SKIL: variants seen among roughly 807,000 people sequenced by gnomAD.
SKIL encodes the protein SKI like proto-oncogene, also known as ski-like protein.
Under a neutral mutation model 69.6 loss-of-function variants are expected in SKIL, and 20 were observed. That is an observed-to-expected ratio of 0.29 (90% confidence interval 0.20 to 0.42). The LOEUF (loss-of-function observed/expected upper bound fraction) is 0.42, where lower values mean the gene tolerates loss of function less well. Ranked by LOEUF, SKIL falls within the 10% of genes least tolerant of loss-of-function variation. The pLI is 1.00. For missense variants in SKIL, 745 were observed against 783.1 expected, an observed-to-expected ratio of 0.95 and a Z score of 0.58; for synonymous variants, 310 against 279.9, an observed-to-expected ratio of 1.11 and a Z score of -1.08.
intron 3 of SKIL, among the ~76,000 whole-genome samples, chr3:170,381,757 G>A (rs990837327): frequency 1.3e-5 from 2 of 151,886 alleles, no homozygotes; most frequent in South Asian, 2.1e-4. Context: ...TTATTTTCAG[G>A]CTTTCTTGTT....
At chr3:170,390,606 C>G in intron 5 of SKIL, 142 bp downstream of exon 5, 1 of 666,048 alleles carries the variant, frequency 1.5e-6, no homozygotes, top group South Asian at 2.0e-5. Flanking sequence ...TCTGCCTTAG[C>G]CTTCCGAGTA....
chr3:170,361,081 C>G lies in SKIL; in HGVS notation c.750C>G (p.Ser250Arg). The change falls in exon 2 of 7, where the codon AGC becomes AGG. Residue 250 changes from serine to arginine, a missense_variant. Physicochemically the swap from Ser to Arg is moderately radical, Grantham distance 110. Transcript: ENST00000259119. ...ATGGTAGCGTACTTCCTGCTAAAAG[C>G]TCATTGGCCCAGTTAAAGGAAACTG... is the stretch of plus-strand genomic sequence containing the variant. ...PQNGSVLPAK[S>R]SLAQLKETGS... is the part of the protein sequence containing the mutation. The G allele has an allele frequency of 6.2e-7, 1 of 1,614,216 alleles. No individual in the cohort carries two copies. The highest frequency in any genetic ancestry group is 8.5e-7 in the Non-Finnish European group (1 of 1,180,048).
At chr3:170,373,680 A>G (rs947673622) in intron 2 of SKIL, among the ~76,000 whole-genome samples, 6 of 152,202 alleles carry the variant, frequency 3.9e-5, no homozygotes, top group Non-Finnish European at 8.8e-5. Context: ...GTATTTGAAA[A>G]TAAGTTCCAG....
Position 170,361,416 on chromosome 3 carries a change from G to T in SKIL, c.1085G>T (p.Arg362Ile), listed in dbSNP as rs781469948. ...KEKFSMRSGK[R>I]NQSKTDAPSG... is the part of the protein sequence containing the mutation. Reference sequence around the variant, plus strand: ...AAGTTTAGCATGAGAAGTGGAAAGAGAAATCAATCCAAGGCAAGTTTTTTA... The same window carrying T: ...AAGTTTAGCATGAGAAGTGGAAAGATAAATCAATCCAAGGCAAGTTTTTTA... Residue 362 changes from arginine (R) to isoleucine (I), a missense_variant, in exon 2 of 7, where the codon AGA (arginine) becomes ATA (isoleucine). Physicochemically the swap from Arg to Ile is moderately conservative, Grantham distance 97. Coordinates refer to ENST00000259119, the MANE Select transcript of SKIL (RefSeq NM_005414.5). The T allele has an allele frequency of 1.9e-6, 3 of 1,573,162 alleles. No individual in the cohort carries two copies. The highest frequency in any genetic ancestry group is 1.2e-5 in the South Asian group (1 of 84,028).
chr3:170,379,219 C>T (rs1213219315), intron 2 of SKIL, among the ~76,000 whole-genome samples: 1 of 152,090 alleles, frequency 6.6e-6, no homozygotes, highest in Non-Finnish European at 1.5e-5. Flanking sequence ...CTCAGGTGAT[C>T]CACCCTTCTC....
Position 170,381,306 on chromosome 3 carries a change from C to T in SKIL, c.1161C>T (p.Asp387=). 1.3e-6 allele frequency: 2 copies of T among 1,593,826 alleles called. No individual in the cohort carries two copies. The highest frequency in any genetic ancestry group is 1.7e-6 in the Non-Finnish European group (2 of 1,161,512). The change falls in exon 3 of 7, where the codon GAC becomes GAT. Residue 387 remains aspartate, a synonymous_variant. Transcript: ENST00000259119. ...SWYPVIKQEG[D]HVSQTHSFLH... ...ATCCTGTTATAAAGCAGGAAGGTGA[C>T]CATGTTTCTCAGACACATTCATTTT... is the stretch of plus-strand genomic sequence containing the variant.
rs754840486 is a variant in SKIL, at chr3:170,390,407, T to C, written c.1614T>C (p.Tyr538=). Residue 538 remains tyrosine (Y), a synonymous_variant, in exon 5 of 7, where the codon TAT becomes TAC. Coordinates refer to ENST00000259119, the MANE Select transcript of SKIL (RefSeq NM_005414.5). The part of the protein sequence containing the change: ...GKIMEEVMRT[Y]LKQQEKLNLI... Reference sequence around the variant, plus strand: ...TCATGGAAGAAGTAATGAGAACTTATTTAAAACAACAGGAAAAACTAAACT... The same window carrying C: ...TCATGGAAGAAGTAATGAGAACTTACTTAAAACAACAGGAAAAACTAAACT... 43 of 1,613,084 alleles carry C rather than the reference T, an allele frequency of 2.7e-5. No homozygotes were observed. In the East Asian group the frequency reaches 6.0e-4, roughly 23 times the overall value.
At chr3:170,384,427 G>T (rs199566988) in intron 3 of SKIL, 106 bp from the exon 4 acceptor site, 3 of 572,716 alleles carry the variant, frequency 5.2e-6, no homozygotes, top group South Asian at 2.6e-5. Flanking sequence ...TGTCTGTTTT[G>T]GTTAGAAAAA....
chr3:170,389,013 G>C (rs1043592696), intron 4 of SKIL, among the ~76,000 whole-genome samples: 2 of 151,930 alleles, frequency 1.3e-5, no homozygotes, highest in Non-Finnish European at 2.9e-5. Context: ...GGGATTACAG[G>C]TGCGCGCCAC....
intron 3 of SKIL, among the ~76,000 whole-genome samples, chr3:170,383,025 C>G (rs1737443158): frequency 6.6e-6 from 1 of 152,106 alleles, no homozygotes; most frequent in Admixed American, 6.6e-5. Flanking sequence ...CGGCCTGCAA[C>G]TTTGATATTT....
intron 2 of SKIL, among the ~76,000 whole-genome samples, chr3:170,380,844 G>A (rs1737306872): frequency 6.6e-6 from 1 of 151,854 alleles, no homozygotes; most frequent in Non-Finnish European, 1.5e-5. Context: ...CTTGAGACAG[G>A]GTCTCACTCT....
intron 1 of SKIL, chr3:170,358,514 G>A (rs187290985): frequency 2.2e-3 from 336 of 152,826 alleles, no homozygotes; most frequent in Middle Eastern, 0.017. Context: ...GGTTTTAGGG[G>A]CTCCCCCATT....
chr3:170,386,788 A>G (rs1560219916), intron 4 of SKIL, among the ~76,000 whole-genome samples: 1 of 151,842 alleles, frequency 6.6e-6, no homozygotes, highest in Non-Finnish European at 1.5e-5. Flanking sequence ...GATTTTTAAA[A>G]CTCAGTTTTC....
chr3:170,389,730 A>G (rs932796680), intron 4 of SKIL, among the ~76,000 whole-genome samples: 1 of 152,104 alleles, frequency 6.6e-6, no homozygotes, highest in Non-Finnish European at 1.5e-5. Flanking sequence ...ACTGATCTGT[A>G]TGTCTATCTT....
chr3:170,360,783 G>A lies in SKIL; in HGVS notation c.452G>A (p.Gly151Glu), dbSNP rs1280234081. The change falls in exon 2 of 7, where the codon GGG (glycine) becomes GAG (glutamate). Residue 151 changes from glycine to glutamate, a missense_variant. Physicochemically the swap from Gly to Glu is moderately conservative, Grantham distance 98. Transcript: ENST00000259119. ...STELTQTVLE[G>E]ESISCFQVGG... Reference sequence around the variant, plus strand: ...GAACTCACTCAGACTGTGTTGGAAGGGGAATCTATTTCTTGTTTTCAAGTT... The same window carrying A: ...GAACTCACTCAGACTGTGTTGGAAGAGGAATCTATTTCTTGTTTTCAAGTT... 6.2e-7 allele frequency: 1 copy of A among 1,614,046 alleles called. No homozygotes were observed. The highest frequency in any genetic ancestry group is 8.5e-7 in the Non-Finnish European group (1 of 1,180,048).
At chr3:170,359,219 A>G (rs1316294734) in intron 1 of SKIL, among the ~76,000 whole-genome samples, 2 of 152,246 alleles carry the variant, frequency 1.3e-5, no homozygotes, top group Non-Finnish European at 2.9e-5. Context: ...TATTTAAATG[A>G]ATGTTCTTCT....
intron 4 of SKIL, chr3:170,384,967 CTG>C: frequency 2.4e-6 from 1 of 413,062 alleles, no homozygotes; most frequent in Non-Finnish European, 4.3e-6. Flanking sequence ...GCTCAGGAGA[CTG>C]AGATAGATAC....
In SKIL at chr3:170,360,191, A is replaced by G; in HGVS notation, c.-141A>G. 1 of 789,668 alleles carries G rather than the reference A, an allele frequency of 1.3e-6. No homozygotes were observed. The highest frequency in any genetic ancestry group is 2.0e-6 in the Non-Finnish European group (1 of 506,740). The allele number at this position is 789,668 out of a possible 1,614,324, so 48.9% of individuals were successfully genotyped here. ...CCAAAACTAAGTCGCAAAATTTATT[A>G]ATTTAAGGGGCTCTCGCTTTGAAAG... is the stretch of plus-strand genomic sequence containing the variant. On this transcript the variant is annotated 5_prime_UTR_variant, in exon 2 of 7. Transcript: ENST00000259119.
intron 2 of SKIL, among the ~76,000 whole-genome samples, chr3:170,361,638 A>C (rs761840857): frequency 1.4e-4 from 21 of 152,192 alleles, no homozygotes; most frequent in Non-Finnish European, 2.2e-4. Flanking sequence ...CCTGTGAGAG[A>C]AGTAAGACTA....
Sources: gnomAD v4.1 joint callset for allele counts (sites outside exome capture counted in the v4.1 genomes callset) on GRCh38, gnomAD v4.1.1 for gene constraint, MANE v1.5 for transcripts, NCBI Gene and HGNC (gene_info 2026-07-23, HGNC 2026-07-21) for gene names.